GALNT11: variants seen among roughly 807,000 people sequenced by gnomAD.
The protein encoded by GALNT11 is UDP-GalNAc:polypeptide N-acetylgalactosaminyltransferase 11.
GALNT11 carries 47 observed loss-of-function variants against 72.7 expected under a neutral mutation model. The ratio of observed to expected loss-of-function variants is 0.65; its 90% CI spans 0.51 to 0.82. GALNT11 has a LOEUF of 0.82. Ranked by LOEUF, GALNT11 falls within the 40% of genes least tolerant of loss-of-function variation. GALNT11 has a pLI of 0.00. For missense variants in GALNT11, 677 were observed against 778.4 expected, an observed-to-expected ratio of 0.87 and a Z score of 1.55; for synonymous variants, 270 against 286.6, an observed-to-expected ratio of 0.94 and a Z score of 0.58.
intron 10 of GALNT11, 192 bp downstream of exon 10, chr7:152,118,974 G>T (rs1002719126): frequency 7.6e-6 from 3 of 397,152 alleles, no homozygotes; most frequent in Non-Finnish European, 1.3e-5. Flanking sequence ...CAAGGTCACC[G>T]CCAGGGTCTG....
At chr7:152,038,306 T>G (rs927082792) in intron 1 of GALNT11, among the ~76,000 whole-genome samples, 11 of 152,224 alleles carry the variant, frequency 7.2e-5, no homozygotes, top group Admixed American at 2.0e-4. Flanking sequence ...TCATAAGATT[T>G]ACTATAAGTA....
chr7:152,031,601 A>C (rs2082307264), intron 1 of GALNT11, among the ~76,000 whole-genome samples: 1 of 152,198 alleles, frequency 6.6e-6, no homozygotes, highest in Non-Finnish European at 1.5e-5. Flanking sequence ...TTAAACAGTG[A>C]GGCCAGCCTT....
intron 9 of GALNT11, 80 bp from the exon 10 acceptor site, chr7:152,118,598 T>G: frequency 8.2e-7 from 1 of 1,215,826 alleles, no homozygotes; most frequent in Non-Finnish European, 1.2e-6. Context: ...ACCTTTCACA[T>G]TTTGCCTGGA....
chr7:152,106,052 T>C (rs999036597), intron 5 of GALNT11, among the ~76,000 whole-genome samples: 3 of 152,086 alleles, frequency 2.0e-5, no homozygotes, highest in African/African-American at 4.8e-5. Context: ...TTTCGTTTTA[T>C]GGTTACCTAT....
At chr7:152,120,740 A>G in intron 10 of GALNT11, 91 bp from the exon 11 acceptor site, 1 of 1,146,692 alleles carries the variant, frequency 8.7e-7, no homozygotes, top group Admixed American at 1.9e-5. Flanking sequence ...CTGCTTTGAG[A>G]CCTTACAGAA....
chr7:152,119,085 A>G (rs1386518759), intron 10 of GALNT11: 1 of 213,820 alleles, frequency 4.7e-6, no homozygotes, highest in African/African-American at 2.3e-5. Context: ...TCTCCTTTGT[A>G]TGTTTTTCCT....
chr7:152,087,533 G>A (rs2085727611), intron 1 of GALNT11, among the ~76,000 whole-genome samples: 1 of 152,198 alleles, frequency 6.6e-6, no homozygotes, highest in African/African-American at 2.4e-5. Flanking sequence ...GGTCTTTGTA[G>A]GGAGCAGATG....
intron 1 of GALNT11, among the ~76,000 whole-genome samples, chr7:152,092,999 C>T (rs1298768863): frequency 1.3e-5 from 2 of 152,104 alleles, no homozygotes; most frequent in Non-Finnish European, 2.9e-5. Flanking sequence ...GAGGCCAAGG[C>T]GGGCAGATCA....
At chr7:152,080,809 A>C (rs930289541) in intron 1 of GALNT11, among the ~76,000 whole-genome samples, 1 of 151,938 alleles carries the variant, frequency 6.6e-6, no homozygotes, top group Non-Finnish European at 1.5e-5. Flanking sequence ...TAAAAAAAAA[A>C]AACACAAAAT....
intron 11 of GALNT11, 68 bp downstream of exon 11, chr7:152,121,036 A>C (rs1250068279): frequency 1.9e-6 from 3 of 1,548,810 alleles, no homozygotes; most frequent in Non-Finnish European, 2.6e-6. Context: ...GGAGTGTGGC[A>C]GATGAACTCA....
intron 5 of GALNT11, among the ~76,000 whole-genome samples, chr7:152,105,828 G>A (rs142440003): frequency 6.6e-6 from 1 of 152,290 alleles, no homozygotes; most frequent in East Asian, 1.9e-4. Flanking sequence ...GTTAATGGAC[G>A]TAAGATTGAC....
chr7:152,117,079 T>TA (rs2129073048), intron 8 of GALNT11, 78 bp from the exon 9 acceptor site: 2 of 1,280,484 alleles, frequency 1.6e-6, no homozygotes, highest in Non-Finnish European at 1.1e-6. Flanking sequence ...CTTAATCGTG[T>TA]AAAAAATCTC....
rs551328537 is a variant in GALNT11, at chr7:152,117,597, G to T, written c.1452+222G>T. 4 of 577,982 alleles carry T rather than the reference G, an allele frequency of 6.9e-6. No homozygotes were observed. The South Asian group carries it at 8.6e-5, about 12-fold the overall frequency. The allele number at this position is 577,982 out of a possible 1,614,324, so 35.8% of individuals were successfully genotyped here. On this transcript the variant is annotated intron_variant, in intron 9 of 11. Transcript: ENST00000430044. Reference sequence around the variant, plus strand: ...GCCGGCATAGCTGCCTTCTGTGAGGGTAAGTTATGTGACGCTTTCCAAGAG... The same window carrying T: ...GCCGGCATAGCTGCCTTCTGTGAGGTTAAGTTATGTGACGCTTTCCAAGAG...
intron 1 of GALNT11, among the ~76,000 whole-genome samples, chr7:152,048,866 A>G (rs567775202): frequency 6.6e-6 from 1 of 151,496 alleles, no homozygotes; most frequent in African/African-American, 2.4e-5. Flanking sequence ...CCTGTCTTCA[A>G]GTTCACTAAT....
rs1197278607 is a variant in GALNT11, at chr7:152,108,393, A to G, written c.962+106A>G. The G allele has an allele frequency of 4.1e-6, 6 of 1,478,798 alleles. No individual in the cohort carries two copies. The African/African-American group carries it at 4.2e-5, about 10-fold the overall frequency. The allele number at this position is 1,478,798 out of a possible 1,614,324, so 91.6% of individuals were successfully genotyped here. On this transcript the variant is annotated intron_variant, in intron 6 of 11. Transcript: ENST00000430044. ...CTTCTTTGTAAGGAGCAAAAGTGTT[A>G]GACTTAATTTGTACGTTAAAAATTC...
intron 1 of GALNT11, among the ~76,000 whole-genome samples, chr7:152,039,204 G>A (rs2082728728): frequency 6.6e-6 from 1 of 152,160 alleles, no homozygotes; most frequent in South Asian, 2.1e-4. Context: ...AATTCCATAG[G>A]AATCACTGCA....
intron 11 of GALNT11, 61 bp downstream of exon 11, chr7:152,121,029 G>A: frequency 7.7e-6 from 12 of 1,567,782 alleles, no homozygotes; most frequent in South Asian, 1.2e-5. Flanking sequence ...GAGTGAGGGA[G>A]TGTGGCAGAT....
chr7:152,028,365 T>C (rs1586885001), intron 1 of GALNT11, among the ~76,000 whole-genome samples: 1 of 152,192 alleles, frequency 6.6e-6, no homozygotes, highest in East Asian at 1.9e-4. Flanking sequence ...ATTGGTGCGT[T>C]TACAAACCTT....
At chr7:152,108,852 C>G (rs1438810307) in intron 6 of GALNT11, among the ~76,000 whole-genome samples, 2 of 152,042 alleles carry the variant, frequency 1.3e-5, no homozygotes, top group Non-Finnish European at 2.9e-5. Context: ...AAGAGGTGTA[C>G]CTGTATTTTA....
Sources: allele counts gnomAD v4.1 joint callset (sites outside exome capture counted in the v4.1 genomes callset), GRCh38; gene constraint gnomAD v4.1.1; transcripts MANE v1.5; gene names NCBI Gene and HGNC (gene_info 2026-07-23, HGNC 2026-07-21).